PHACTR1: variants seen among roughly 807,000 people sequenced by gnomAD.
PHACTR1 encodes RPEL repeat containing 1.
PHACTR1 carries 16 observed loss-of-function variants against 69.2 expected under a neutral mutation model. The ratio of observed to expected loss-of-function variants is 0.23; its 90% CI spans 0.16 to 0.35. The LOEUF (loss-of-function observed/expected upper bound fraction) is 0.35, where lower values mean the gene tolerates loss of function less well. Among genes scored for constraint, PHACTR1 ranks in the 10% least tolerant of loss-of-function variants. The pLI is 1.00. For missense variants in PHACTR1, 510 were observed against 734.7 expected (o/e 0.69, Z 3.54); for synonymous variants, 312 against 284.5 (o/e 1.10, Z -0.97).
intron 4 of PHACTR1, among the ~76,000 whole-genome samples, chr6:12,895,614 AT>A (rs1254579290): frequency 6.6e-6 from 1 of 152,186 alleles, no homozygotes; most frequent in African/African-American, 2.4e-5. Flanking sequence ...AGGTGCAGCA[AT>A]GGTGGTAACT....
At chr6:12,954,022 T>C (rs570787447) in intron 4 of PHACTR1, among the ~76,000 whole-genome samples, 1 of 152,362 alleles carries the variant, frequency 6.6e-6, no homozygotes, top group African/African-American at 2.4e-5. Flanking sequence ...AGGAAACTGT[T>C]AATTTTGACT....
chr6:13,200,985 A>G (rs1396427665), intron 7 of PHACTR1, among the ~76,000 whole-genome samples: 3 of 152,052 alleles, frequency 2.0e-5, no homozygotes, highest in Non-Finnish European at 2.9e-5. Flanking sequence ...AGAAAGAAAT[A>G]TAATGCTGGA....
chr6:12,943,289 A>C (rs193040298), intron 4 of PHACTR1, among the ~76,000 whole-genome samples: 152 of 152,354 alleles, frequency 1.0e-3, no homozygotes, highest in African/African-American at 3.6e-3. Context: ...CATTTACATG[A>C]AATGTCCAGA....
rs926411822 is a variant in PHACTR1 at position 12,964,320 on chromosome 6, G to GA, written c.251-89037dup. ...GAAAATGACAGCTTCCATGAGAACA[G>GA]AAAAAAAAGATTATTGAGGATGATA... On this transcript the variant is annotated intron_variant, in intron 4 of 14. Coordinates refer to ENST00000332995, the MANE Select transcript of PHACTR1 (RefSeq NM_030948.6). Among the ~76,000 whole-genome samples, 14 of 151,876 alleles carry GA rather than the reference G, an allele frequency of 9.2e-5. No homozygotes were observed. In the East Asian group the frequency reaches 9.7e-4, roughly 10 times the overall value.
intron 5 of PHACTR1, among the ~76,000 whole-genome samples, chr6:13,107,017 G>A (rs189479084): frequency 1.1e-4 from 16 of 152,164 alleles, no homozygotes; most frequent in Admixed American, 1.0e-3. Flanking sequence ...TAGTTTCCTT[G>A]TAATGTCTTT....
intron 7 of PHACTR1, among the ~76,000 whole-genome samples, chr6:13,187,093 G>A (rs904338068): frequency 1.1e-4 from 17 of 152,134 alleles, no homozygotes; most frequent in African/African-American, 4.1e-4. Flanking sequence ...AGCTCAGGAG[G>A]TAATGGTGAG....
intron 4 of PHACTR1, among the ~76,000 whole-genome samples, chr6:12,922,189 T>C (rs1429998762): frequency 6.6e-6 from 1 of 152,218 alleles, no homozygotes; most frequent in Non-Finnish European, 1.5e-5. Flanking sequence ...ATTGGCAGTA[T>C]GACCTCACAA....
At chr6:12,725,605 G>A (rs1171053273) in intron 3 of PHACTR1, among the ~76,000 whole-genome samples, 4 of 152,156 alleles carry the variant, frequency 2.6e-5, no homozygotes, top group African/African-American at 7.2e-5. Flanking sequence ...TATAATGCTA[G>A]CTCTGAATCC....
intron 4 of PHACTR1, among the ~76,000 whole-genome samples, chr6:12,777,923 C>T (rs1770302430): frequency 5.9e-5 from 9 of 152,126 alleles, no homozygotes; most frequent in South Asian, 2.1e-4. Flanking sequence ...TGAGCCATGG[C>T]GCCCAGCCCC....
chr6:12,993,937 C>T (rs1797108529), intron 4 of PHACTR1, among the ~76,000 whole-genome samples: 1 of 151,962 alleles, frequency 6.6e-6, no homozygotes, highest in Admixed American at 6.6e-5. Context: ...AAGAAATAGA[C>T]TAGAATAAAG....
At chr6:12,933,768 C>T (rs1452519634) in intron 4 of PHACTR1, 1 of 1,612,854 alleles carries the variant, frequency 6.2e-7, no homozygotes, top group Non-Finnish European at 8.5e-7. Flanking sequence ...TACACTACAT[C>T]AGCCCACATC....
In PHACTR1 at chr6:13,215,874, A is replaced by G. The variant is rs183981635; in HGVS notation, c.986+9738A>G. On this transcript the variant is annotated intron_variant, in intron 8 of 14. Coordinates refer to ENST00000332995, the MANE Select transcript of PHACTR1 (RefSeq NM_030948.6). ...TAAGCCAGTCCAATCTGGATGATCA[A>G]CTAGATGCAGGAAAGTTCCAGAGTC... Among the ~76,000 whole-genome samples the G allele has an allele frequency of 7.0e-4, 106 of 152,366 alleles. 1 individual carries two copies. The highest frequency in any genetic ancestry group is 2.4e-3 in the African/African-American group (100 of 41,586).
chr6:13,209,266 T>A (rs962399605), intron 8 of PHACTR1, among the ~76,000 whole-genome samples: 4 of 152,144 alleles, frequency 2.6e-5, no homozygotes, highest in African/African-American at 9.7e-5. Context: ...TCCCCCTGAT[T>A]TTTACTGCCT....
In PHACTR1 at chr6:13,179,424, G is replaced by A. The variant is rs1761869149; in HGVS notation, c.497-3095G>A. 6.6e-6 allele frequency among the ~76,000 whole-genome samples: 1 copy of A among 151,470 alleles called. No homozygotes were observed. The highest frequency in any genetic ancestry group is 1.5e-5 in the Non-Finnish European group (1 of 67,876). On this transcript the variant is annotated intron_variant, in intron 6 of 14. Transcript: ENST00000332995. This position sits in a 1 kb window ranked among gnomAD's most constrained non-coding sequence, Gnocchi z 4.2. Reference sequence around the variant, plus strand: ...ATGTTTCGTGTGTGTGTGTGTGTGTGTGTGTGTGTGTGTGTGTGTGTTTAA... The same window carrying A: ...ATGTTTCGTGTGTGTGTGTGTGTGTATGTGTGTGTGTGTGTGTGTGTTTAA...
chr6:12,748,639 AGGC>A (rs1766124735), intron 3 of PHACTR1, among the ~76,000 whole-genome samples: 1 of 152,196 alleles, frequency 6.6e-6, no homozygotes, highest in Non-Finnish European at 1.5e-5. Flanking sequence ...GGGGCAGTGC[AGGC>A]GTTCAAAGAA....
intron 3 of PHACTR1, among the ~76,000 whole-genome samples, chr6:12,736,648 T>C (rs963445332): frequency 2.0e-5 from 3 of 152,186 alleles, no homozygotes; most frequent in Non-Finnish European, 2.9e-5. Flanking sequence ...ATCTCTAACC[T>C]TTGGAAACTC....
intron 4 of PHACTR1, among the ~76,000 whole-genome samples, chr6:12,781,056 C>G (rs1770759900): frequency 6.6e-6 from 1 of 152,194 alleles, no homozygotes; most frequent in Admixed American, 6.5e-5. Flanking sequence ...TTTTGAAAAA[C>G]TGAAATTCTT....
intron 5 of PHACTR1, among the ~76,000 whole-genome samples, chr6:13,074,413 A>G (rs1485695877): frequency 1.3e-5 from 2 of 152,206 alleles, no homozygotes; most frequent in Non-Finnish European, 2.9e-5. Context: ...CCCATACAGC[A>G]CTGGTGGAAA....
chr6:13,148,951 A>G (rs1406098202), intron 5 of PHACTR1, among the ~76,000 whole-genome samples: 2 of 152,220 alleles, frequency 1.3e-5, no homozygotes, highest in African/African-American at 2.4e-5. Flanking sequence ...GAGTGCAGGT[A>G]GGTAGACGGT....
Sources: gnomAD v4.1 joint callset for allele counts (sites outside exome capture counted in the v4.1 genomes callset) on GRCh38, gnomAD v4.1.1 for gene constraint, Gnocchi (gnomAD v3.1) non-coding constraint, MANE v1.5 for transcripts, NCBI Gene and HGNC (gene_info 2026-07-23, HGNC 2026-07-21) for gene names.